The following CPAMD8 variants were observed in gnomAD, a reference collection of about 807,000 sequenced individuals.
The protein encoded by CPAMD8 is C3 and PZP-like alpha-2-macroglobulin domain-containing protein 8.
Under a neutral mutation model 224.7 loss-of-function variants are expected in CPAMD8, and 146 were observed. The observed-to-expected ratio is 0.65, with a 90% CI of 0.57 to 0.75. The LOEUF (loss-of-function observed/expected upper bound fraction) is 0.75, where lower values mean the gene tolerates loss of function less well. CPAMD8 is among the 30% of genes least tolerant of loss of function. The pLI is 0.00. For synonymous variants in CPAMD8, 966 were observed against 1,044.6 expected, an observed-to-expected ratio of 0.92 and a Z score of 1.45; for missense variants, 2,301 against 2,537.5, an observed-to-expected ratio of 0.91 and a Z score of 2.00.
Position 16,898,068 on chromosome 19 carries a change from G to A in CPAMD8, c.4849-74C>T, listed in dbSNP as rs958850928. The A allele has an allele frequency of 2.9e-6, 3 of 1,024,248 alleles. No individual in the cohort carries two copies. Among genetic ancestry groups the A allele is most frequent in the Non-Finnish European group, 1.4e-6 (1 of 693,672 alleles). The allele number at this position is 1,024,248 out of a possible 1,614,324, so 63.4% of individuals were successfully genotyped here. On this transcript the variant is annotated intron_variant, in intron 37 of 41. Coordinates refer to ENST00000443236, the MANE Select transcript of CPAMD8 (RefSeq NM_015692.5). This position sits in a 1 kb window ranked among gnomAD's most constrained non-coding sequence, Gnocchi z 4.2. ...GGCGCTGAGCTCAGGCCCAGAACTG[G>A]CTGATTTCAGGGATACCCAGGACGC... is the stretch of plus-strand genomic sequence containing the variant.
At chr19:17,022,289 AC>A in intron 1 of CPAMD8, 108 bp from the exon 2 acceptor site, 1 of 1,263,650 alleles carries the variant, frequency 7.9e-7, no homozygotes. Flanking sequence ...CCTTTTGCTG[AC>A]CACACCTGGC....
intron 14 of CPAMD8, 60 bp downstream of exon 14, chr19:16,980,437 A>G: frequency 1.3e-6 from 2 of 1,526,542 alleles, no homozygotes; most frequent in Admixed American, 1.8e-5. Context: ...AGGAGCACCC[A>G]TCTCAGTCTC....
chr19:16,993,729 T>C, intron 11 of CPAMD8, 143 bp from the exon 12 acceptor site: 1 of 754,292 alleles, frequency 1.3e-6, no homozygotes, highest in South Asian at 1.9e-5. Context: ...TCACAGGGCA[T>C]CGCAACGAGT....
At chr19:16,943,619 T>C (rs140525948) in intron 22 of CPAMD8, among the ~76,000 whole-genome samples, 2 of 152,312 alleles carry the variant, frequency 1.3e-5, no homozygotes, top group East Asian at 3.9e-4. Context: ...AGGAATTGCA[T>C]TTCATTGACC....
At chr19:16,964,074 A>T (rs896825227) in intron 18 of CPAMD8, among the ~76,000 whole-genome samples, 2 of 152,244 alleles carry the variant, frequency 1.3e-5, no homozygotes, top group African/African-American at 4.8e-5. Context: ...CTAAATGCCC[A>T]CAAGAGAAAG....
Position 16,921,954 on chromosome 19 carries a change from C to A in CPAMD8, c.3580G>T (p.Asp1194Tyr). 2 of 1,548,210 alleles carry A rather than the reference C, an allele frequency of 1.3e-6. No individual in the cohort carries two copies. The highest frequency in any genetic ancestry group is 8.7e-7 in the Non-Finnish European group (1 of 1,146,810). ...YQRQLTYKRQ[D>Y]GSYSAFGERD... ...TCCCCAAACGCGCTGTAGGAGCCAT[C>A]CTGGCGCTTGTAGGTCAGCTGGCGC... Residue 1194 changes from aspartate to tyrosine, a missense_variant, in exon 27 of 42, where the codon GAT (aspartate) becomes TAT (tyrosine). Physicochemically the swap from Asp to Tyr is radical, Grantham distance 160. Transcript: ENST00000443236.
chr19:17,026,805 C>G lies in CPAMD8; in HGVS notation c.-163G>C. The G allele has an allele frequency of 1.9e-6, 2 of 1,076,364 alleles. No individual in the cohort carries two copies. Among genetic ancestry groups the G allele is most frequent in the South Asian group, 8.7e-5 (2 of 23,056 alleles). 66.7% of individuals were successfully genotyped at this position (1,076,364 alleles called of 1,614,324 possible). Reference sequence around the variant, plus strand: ...CCATGCGCCCCGCTCCGCGCCCGGCCAAGCTGGGGCAGCCCCGGGCCAGCC... The same window carrying G: ...CCATGCGCCCCGCTCCGCGCCCGGCGAAGCTGGGGCAGCCCCGGGCCAGCC... On this transcript the variant is annotated 5_prime_UTR_variant, in exon 1 of 42. Coordinates refer to ENST00000443236, the MANE Select transcript of CPAMD8 (RefSeq NM_015692.5).
Position 17,019,971 on chromosome 19 carries a change from C to CTTT in CPAMD8, c.267+357_267+359dup, listed in dbSNP as rs569150151. Among the ~76,000 whole-genome samples, 526 of 97,876 alleles carry CTTT rather than the reference C, an allele frequency of 5.4e-3. 6 individuals carry two copies. Among genetic ancestry groups the CTTT allele is most frequent in the Middle Eastern group, 0.014 (2 of 142 alleles). The allele number at this position is 97,876 out of a possible 152,430, so 64.2% of individuals were successfully genotyped here. Reference sequence around the variant, plus strand: ...TTCAATTCTTTTTTTTTTTTCTTTTCTTTTTTTTTTTTTTTTTGGTGAGAC... The same window carrying CTTT: ...TTCAATTCTTTTTTTTTTTTCTTTTCTTTTTTTTTTTTTTTTTTTTGGTGAGAC... On this transcript the variant is annotated intron_variant, in intron 3 of 41. Transcript: ENST00000443236.
chr19:16,894,361 T>C (rs907842144), intron 41 of CPAMD8: 56 of 455,814 alleles, frequency 1.2e-4, no homozygotes, highest in African/African-American at 1.0e-3. Context: ...AGTCACAGGC[T>C]GATAGGGACA....
chr19:16,998,839 G>A (rs2056217735), intron 10 of CPAMD8, among the ~76,000 whole-genome samples: 1 of 152,152 alleles, frequency 6.6e-6, no homozygotes, highest in Non-Finnish European at 1.5e-5. Context: ...AAGAACCCAA[G>A]AGAAACAAAA....
In CPAMD8 at chr19:16,986,519, G is replaced by A. The variant is rs184471831; in HGVS notation, c.1395+3124C>T. Among the ~76,000 whole-genome samples, 279 of 152,280 alleles carry A rather than the reference G, an allele frequency of 1.8e-3. 1 individual carries two copies. Among genetic ancestry groups the A allele is most frequent in the African/African-American group, 6.5e-3 (272 of 41,562 alleles). ...AATGGAATTACAAGAAGAACAGTGT[G>A]TTCAGCCAAGCTGGGCATGATCCTG... On this transcript the variant is annotated intron_variant, in intron 13 of 41. Coordinates refer to ENST00000443236, the MANE Select transcript of CPAMD8 (RefSeq NM_015692.5).
intron 8 of CPAMD8, among the ~76,000 whole-genome samples, chr19:17,003,498 G>A (rs2056395705): frequency 1.3e-5 from 2 of 151,690 alleles, no homozygotes. Context: ...ACCATGCCTG[G>A]CCTACAATAC....
chr19:16,924,252 T>C (rs2053277855), intron 26 of CPAMD8, among the ~76,000 whole-genome samples: 1 of 145,890 alleles, frequency 6.9e-6, no homozygotes, highest in Non-Finnish European at 1.5e-5. Context: ...TGAACACAAG[T>C]GGGTTTGGGG....
At chr19:17,019,513 G>C (rs1337350264) in intron 3 of CPAMD8, among the ~76,000 whole-genome samples, 1 of 151,938 alleles carries the variant, frequency 6.6e-6, no homozygotes, top group Non-Finnish European at 1.5e-5. Context: ...TGAAAAGTAT[G>C]AAAACTGGAT....
At chr19:16,901,466 A>T (rs1234301376) in intron 35 of CPAMD8, among the ~76,000 whole-genome samples, 169 bp from the exon 36 acceptor site, 2 of 152,170 alleles carry the variant, frequency 1.3e-5, no homozygotes, top group Non-Finnish European at 2.9e-5. Flanking sequence ...AACTCAGTCA[A>T]CCTATTTTAC....
At chr19:16,974,796 A>G (rs1329256365) in intron 17 of CPAMD8, among the ~76,000 whole-genome samples, 1 of 152,068 alleles carries the variant, frequency 6.6e-6, no homozygotes, top group East Asian at 1.9e-4. Context: ...GCAAGACCCC[A>G]TCTCTACAAA....
intron 20 of CPAMD8, 46 bp from the exon 21 acceptor site, chr19:16,947,273 CT>C (rs1370959235): frequency 3.7e-5 from 58 of 1,575,418 alleles, no homozygotes; most frequent in Non-Finnish European, 4.4e-5. Flanking sequence ...TCCAGACCCC[CT>C]CCCAGTGCCT....
intron 41 of CPAMD8, chr19:16,894,782 C>T (rs1568440449): frequency 3.7e-6 from 1 of 268,772 alleles, no homozygotes; most frequent in Non-Finnish European, 7.6e-6. Flanking sequence ...TGGCTCACGC[C>T]TGTAATCCCA....
In CPAMD8 at chr19:16,897,872, C is replaced by T. The variant is rs566238270; in HGVS notation, c.4954+17G>A. ...CAGGGACCGGGCCGGGCCGGGGGTG[C>T]GGGCGCGCGGGCCTACCGGGTTCGT... On this transcript the variant is annotated intron_variant, in intron 38 of 41. Transcript: ENST00000443236. 2 of 1,593,990 alleles carry T rather than the reference C, an allele frequency of 1.3e-6. No homozygotes were observed. Among genetic ancestry groups the T allele is most frequent in the East Asian group, 4.5e-5 (2 of 44,122 alleles).
Sources: gnomAD v4.1 joint callset for allele counts (sites outside exome capture counted in the v4.1 genomes callset) on GRCh38, gnomAD v4.1.1 for gene constraint, Gnocchi (gnomAD v3.1) non-coding constraint, MANE v1.5 for transcripts, NCBI Gene and HGNC (gene_info 2026-07-23, HGNC 2026-07-21) for gene names.